Variants in TGM4 observed in about 807,000 individuals in gnomAD.
The protein encoded by TGM4 is protein-glutamine gamma-glutamyltransferase 4.
A neutral mutation model predicts 76.3 loss-of-function variants in TGM4; 61 were observed. The observed-to-expected ratio is 0.80, with a 90% CI of 0.65 to 0.99. The LOEUF (loss-of-function observed/expected upper bound fraction) is 0.99. Among genes scored for constraint, TGM4 ranks in the 50% least tolerant of loss-of-function variants. TGM4 has a pLI of 0.00. For synonymous variants in TGM4, 337 were observed against 329.8 expected, an observed-to-expected ratio of 1.02 and a Z score of -0.24; for missense variants, 794 against 843.2, an observed-to-expected ratio of 0.94 and a Z score of 0.72.
rs767584450 is a variant in TGM4 at position 44,913,745 on chromosome 3, G to C, written c.*20G>C. On this transcript the variant is annotated 3_prime_UTR_variant, in exon 14 of 14. Coordinates refer to ENST00000296125, the MANE Select transcript of TGM4 (RefSeq NM_003241.4). ...AAGTAGCCTTGTCTGATGCTGTGGA[G>C]CCTTAGTTGAGATTTCAGCATTTCC... The C allele has an allele frequency of 3.7e-6, 6 of 1,600,412 alleles. No homozygotes were observed. Among genetic ancestry groups the C allele is most frequent in the Non-Finnish European group, 4.3e-6 (5 of 1,174,970 alleles).
intron 6 of TGM4, among the ~76,000 whole-genome samples, chr3:44,897,404 A>C (rs1699794769): frequency 6.6e-6 from 1 of 152,214 alleles, no homozygotes; most frequent in Non-Finnish European, 1.5e-5. Context: ...CCCCATCTGC[A>C]AAATGATATT....
chr3:44,887,893 A>G (rs1258959178), intron 3 of TGM4, 98 bp downstream of exon 3: 1 of 1,088,124 alleles, frequency 9.2e-7, no homozygotes, highest in South Asian at 1.3e-5. Context: ...GTCAGCTGGT[A>G]ACATGGTTTA....
In TGM4 at chr3:44,910,936, C is replaced by T; in HGVS notation, c.1607-22C>T. On this transcript the variant is annotated intron_variant, in intron 11 of 13. Transcript: ENST00000296125. ...GGGGGTATGATGAATGACCTCTCCC[C>T]TCCACCCTGACTCTTTGGCAGTATC... 3 of 1,611,134 alleles carry T rather than the reference C, an allele frequency of 1.9e-6. 1 individual carries two copies. Among genetic ancestry groups the T allele is most frequent in the South Asian group, 2.2e-5 (2 of 90,872 alleles).
intron 4 of TGM4, among the ~76,000 whole-genome samples, chr3:44,892,820 G>C (rs1699722865): frequency 6.6e-6 from 1 of 151,952 alleles, no homozygotes; most frequent in African/African-American, 2.4e-5. Flanking sequence ...ACATATTTTT[G>C]AGGACTAGAA....
chr3:44,893,773 G>C, intron 5 of TGM4, 78 bp downstream of exon 5: 1 of 1,312,992 alleles, frequency 7.6e-7, no homozygotes, highest in South Asian at 1.2e-5. Context: ...AGTCAGTAAA[G>C]GTTCTGGAGA....
Position 44,874,684 on chromosome 3 carries a change from G to A in TGM4, c.6G>A (p.Met2Ile). 6.2e-7 allele frequency: 1 copy of A among 1,614,216 alleles called. No homozygotes were observed. The highest frequency in any genetic ancestry group is 8.5e-7 in the Non-Finnish European group (1 of 1,180,030). Residue 2 changes from methionine (M) to isoleucine (I), a missense_variant, in exon 1 of 14, where the codon ATG (methionine) becomes ATA (isoleucine). Coordinates refer to ENST00000296125, the MANE Select transcript of TGM4 (RefSeq NM_003241.4). ...GCAGGAGAGAATCTGAAGGGATGAT[G>A]GATGCATCAAAAGGTGAGTGGGTGA... MMDASKELQVLH... is the reference protein window; with the variant it reads MIDASKELQVLH...
chr3:44,896,573 A>G (rs1699781026), intron 5 of TGM4, 136 bp from the exon 6 acceptor site: 2 of 712,052 alleles, frequency 2.8e-6, no homozygotes, highest in Admixed American at 2.3e-5. Flanking sequence ...GCTGTGGTGG[A>G]CTTTTTTATG....
chr3:44,896,273 G>A (rs540902073), intron 5 of TGM4, among the ~76,000 whole-genome samples: 1 of 152,032 alleles, frequency 6.6e-6, no homozygotes, highest in Non-Finnish European at 1.5e-5. Context: ...CACCACGCCC[G>A]GCTAATTTTG....
At chr3:44,882,075 T>TTTTG (rs1304699831) in intron 1 of TGM4, among the ~76,000 whole-genome samples, 1 of 151,062 alleles carries the variant, frequency 6.6e-6, no homozygotes, top group East Asian at 1.9e-4. Context: ...TTTTTTTTTT[T>TTTTG]TTTAGAGTTG....
At position 44,901,819 on chromosome 3, in the gene TGM4, C is replaced by T. The variant is rs781223579; in HGVS notation, c.859C>T (p.Arg287Cys). 112 of 1,613,994 alleles carry T rather than the reference C, an allele frequency of 6.9e-5. No homozygotes were observed. The Admixed American group carries it at 1.7e-3, about 25-fold the overall frequency. ...GCTGAGAGCGTTGGGCATCCCAGCA[C>T]GCAGTGTGACAGGCTTCGATTCAGC... ...TVLRALGIPA[R>C]SVTGFDSAHD... Residue 287 changes from arginine (R) to cysteine (C), a missense_variant, in exon 8 of 14, where the codon CGC (arginine) becomes TGC (cysteine). By Grantham distance (180) the Arg-to-Cys change is radical. Coordinates refer to ENST00000296125, the MANE Select transcript of TGM4 (RefSeq NM_003241.4).
At chr3:44,892,674 C>CATTTATTTG (rs1699721227) in intron 4 of TGM4, among the ~76,000 whole-genome samples, 1 of 152,150 alleles carries the variant, frequency 6.6e-6, no homozygotes, top group East Asian at 1.9e-4. Flanking sequence ...CCCAGCCGGT[C>CATTTATTTG]ACTTGATTTT....
At chr3:44,875,161 A>G (rs888204829) in intron 1 of TGM4, among the ~76,000 whole-genome samples, 1 of 152,242 alleles carries the variant, frequency 6.6e-6, no homozygotes, top group Admixed American at 6.5e-5. Flanking sequence ...ACACCATTTC[A>G]ATACTGTTAT....
Position 44,907,201 on chromosome 3 carries a change from G to A in TGM4, c.1327+1G>A, listed in dbSNP as rs779785158. 4.3e-6 allele frequency: 7 copies of A among 1,613,176 alleles called. No individual in the cohort carries two copies. The South Asian group carries it at 6.6e-5, about 15-fold the overall frequency. ...ACCTATGAGTACAAGTATCCAGAAG[G>A]TGCTAGCATCACAGGGCTCCTTCTG... On this transcript the variant is annotated splice_donor_variant, in intron 10 of 13. Transcript: ENST00000296125. LOFTEE classifies it high-confidence loss of function.
chr3:44,897,040 G>C (rs1181070144), intron 6 of TGM4, among the ~76,000 whole-genome samples: 1 of 120,886 alleles, frequency 8.3e-6, no homozygotes, highest in Non-Finnish European at 1.6e-5. Flanking sequence ...GTCTCATTCT[G>C]TCACCCTGGC....
At chr3:44,888,419 C>T (rs116173165) in intron 3 of TGM4, 3,117 of 152,428 alleles carry the variant, frequency 0.02, 55 homozygotes, top group Middle Eastern at 0.064. Flanking sequence ...AAAATGGCAA[C>T]TACATTGGGT....
intron 2 of TGM4, 110 bp from the exon 3 acceptor site, chr3:44,887,579 A>C: frequency 1.1e-6 from 1 of 908,356 alleles, no homozygotes; most frequent in South Asian, 1.7e-5. Context: ...ATGAGCCTGG[A>C]AAGGAGGGGT....
Position 44,913,786 on chromosome 3 carries a change from T to C in TGM4, c.*61T>C. The C allele has an allele frequency of 1.3e-6, 2 of 1,566,122 alleles. No individual in the cohort carries two copies. Among genetic ancestry groups the C allele is most frequent in the Non-Finnish European group, 1.7e-6 (2 of 1,159,372 alleles). ...CAGCATTTCCTACCTTGTGCTTAGC[T>C]TTCAGATTATGGATGATTAAATTTG... On this transcript the variant is annotated 3_prime_UTR_variant, in exon 14 of 14. Transcript: ENST00000296125.
At position 44,912,010 on chromosome 3, in the gene TGM4, T is replaced by C. The variant is rs147270766; in HGVS notation, c.1913+604T>C. ...CACACCCGGCTAATTTTTGTATTTT[T>C]AGTAGAAACGGGGTTTCCCCATATT... On this transcript the variant is annotated intron_variant, in intron 13 of 13. Coordinates refer to ENST00000296125, the MANE Select transcript of TGM4 (RefSeq NM_003241.4). 7.0e-4 allele frequency among the ~76,000 whole-genome samples: 107 copies of C among 152,316 alleles called. 1 individual carries two copies. The highest frequency in any genetic ancestry group is 2.5e-3 in the African/African-American group (104 of 41,572).
chr3:44,887,551 G>T (rs1699624830), intron 2 of TGM4, 138 bp from the exon 3 acceptor site: 1 of 697,796 alleles, frequency 1.4e-6, no homozygotes. Context: ...AATTAGAGGG[G>T]CTGGAGCCAG....
Sources: gnomAD v4.1 joint callset for allele counts (sites outside exome capture counted in the v4.1 genomes callset) on GRCh38, gnomAD v4.1.1 for gene constraint, MANE v1.5 for transcripts, NCBI Gene and HGNC (gene_info 2026-07-23, HGNC 2026-07-21) for gene names.